The following JTB variants were observed in gnomAD, a reference collection of about 807,000 sequenced individuals.
JTB encodes the protein jumping translocation breakpoint, also known as protein JTB.
Under a neutral mutation model 22.1 loss-of-function variants are expected in JTB, and 10 were observed. The observed-to-expected ratio is 0.45, with a 90% CI of 0.28 to 0.77. The LOEUF is 0.77. Among genes scored for constraint, JTB ranks in the 30% least tolerant of loss-of-function variants. The probability of loss-of-function intolerance (pLI) is 0.13; values close to 1 mark genes in which losing one functional copy is unlikely to be tolerated. For synonymous variants in JTB, 83 were observed against 66.8 expected (o/e 1.24, Z -1.18); for missense variants, 137 against 180.3 (o/e 0.76, Z 1.38).
chr1:153,977,175 C>T lies in JTB; in HGVS notation c.78G>A (p.Lys26=), dbSNP rs1489202487. Residue 26 remains lysine, a synonymous_variant, in exon 1 of 5, where the codon AAG becomes AAA. Transcript: ENST00000271843. ...LCWLLCAFTL[K]LCQAEAPVQE... Reference sequence around the variant, plus strand: ...TCCCCTTACCTCCTCCTTACCAGAGCTTTAAGGTGAAAGCACAGAGCAACC... The same window carrying T: ...TCCCCTTACCTCCTCCTTACCAGAGTTTTAAGGTGAAAGCACAGAGCAACC... The T allele has an allele frequency of 6.2e-7, 1 of 1,614,230 alleles. No homozygotes were observed. The highest frequency in any genetic ancestry group is 8.5e-7 in the Non-Finnish European group (1 of 1,180,046).
At position 153,977,497 on chromosome 1, in the gene JTB, G is replaced by A. The variant is rs1648840279; in HGVS notation, c.-245C>T. ...GCGCCTTCTGCGGGGTCCGCAGGGCGCTGGAGGAAGGGCCGGCGGGGGCTC... is the reference window on the plus strand; with the variant it reads ...GCGCCTTCTGCGGGGTCCGCAGGGCACTGGAGGAAGGGCCGGCGGGGGCTC... On this transcript the variant is annotated 5_prime_UTR_variant, in exon 1 of 5. Transcript: ENST00000271843. 8.1e-7 allele frequency: 1 copy of A among 1,227,016 alleles called. No individual in the cohort carries two copies. Among genetic ancestry groups the A allele is most frequent in the Non-Finnish European group, 1.0e-6 (1 of 978,522 alleles). The allele number at this position is 1,227,016 out of a possible 1,614,324, so 76.0% of individuals were successfully genotyped here.
Position 153,974,456 on chromosome 1 carries a change from C to T in JTB, c.*223G>A. 2.3e-6 allele frequency: 1 copy of T among 438,212 alleles called. No individual in the cohort carries two copies. The highest frequency in any genetic ancestry group is 4.1e-6 in the Non-Finnish European group (1 of 245,936). The allele number at this position is 438,212 out of a possible 1,614,324, so 27.1% of individuals were successfully genotyped here. A position where few individuals can be genotyped will look rare whatever the true frequency, so the allele number is the denominator to read the frequency against. ...GTAGATTGGGGCCTTAAGTAACCACCTCCTTTCCCTCTCTGCCCCCATGAC... is the reference window on the plus strand; with the variant it reads ...GTAGATTGGGGCCTTAAGTAACCACTTCCTTTCCCTCTCTGCCCCCATGAC... On this transcript the variant is annotated 3_prime_UTR_variant, in exon 5 of 5. Transcript: ENST00000271843.
chr1:153,975,607 A>G (rs1002740228), intron 4 of JTB, among the ~76,000 whole-genome samples: 39 of 151,830 alleles, frequency 2.6e-4, no homozygotes, highest in African/African-American at 9.2e-4. Flanking sequence ...TTTAGTAGAG[A>G]TGGGGTTTCA....
chr1:153,976,705 A>G lies in JTB; in HGVS notation c.192T>C (p.Ser64=). The part of the protein sequence containing the change: ...FVVAEECSPC[S]NFRAKTTPEC... ...AATAGATACTCACAGCCCGGAAATT[A>G]GAGCATGGAGAGCACTCTTCTGCTA... Residue 64 remains serine (S), a synonymous_variant, in exon 3 of 5, where the codon TCT becomes TCC. Transcript: ENST00000271843. 1.2e-6 allele frequency: 2 copies of G among 1,613,790 alleles called. No homozygotes were observed. Among genetic ancestry groups the G allele is most frequent in the Non-Finnish European group, 1.7e-6 (2 of 1,179,802 alleles).
In JTB at chr1:153,974,641, A is replaced by G; in HGVS notation, c.*38T>C. ...CCATTTCACTTTCACTGTCTGAGAT[A>G]GGGTCTCTAAGACCCAGGATACAAG... is the stretch of plus-strand genomic sequence containing the variant. On this transcript the variant is annotated 3_prime_UTR_variant, in exon 5 of 5. Coordinates refer to ENST00000271843, the MANE Select transcript of JTB (RefSeq NM_006694.4). The G allele has an allele frequency of 1.3e-6, 2 of 1,562,450 alleles. No homozygotes were observed. The highest frequency in any genetic ancestry group is 1.8e-6 in the Non-Finnish European group (2 of 1,136,554).
At position 153,974,823 on chromosome 1, in the gene JTB, A is replaced by C. The variant is rs75680046; in HGVS notation, c.297T>G (p.Ala99=). 6.5e-4 allele frequency: 1,052 copies of C among 1,606,622 alleles called. 15 individuals are homozygous for C. The African/African-American group carries it at 0.012, about 19-fold the overall frequency. Residue 99 remains alanine (A), a synonymous_variant, in exon 5 of 5, where the codon GCT becomes GCG. Transcript: ENST00000271843. The part of the protein sequence containing the change: ...KRNEFKSCRS[A]LMEQRLFWKF... ...TCCAAAATAAGCGTTGTTCCATCAA[A>C]GCTGAGCGGCAGCTGAGGGCAGGAA...
At chr1:153,976,182 G>A (rs1430199203) in intron 3 of JTB, among the ~76,000 whole-genome samples, 2 of 152,232 alleles carry the variant, frequency 1.3e-5, no homozygotes, top group African/African-American at 4.8e-5. Flanking sequence ...AGTTATTTGA[G>A]GCCGGGTGTG....
At chr1:153,975,988 G>A in intron 3 of JTB, 83 bp from the exon 4 acceptor site, 1 of 921,340 alleles carries the variant, frequency 1.1e-6, no homozygotes, top group Non-Finnish European at 1.8e-6. Context: ...AGGTGCAGGT[G>A]CCCAACTGCT....
chr1:153,975,713 C>G (rs561895619), intron 4 of JTB, 113 bp downstream of exon 4: 129 of 832,140 alleles, frequency 1.6e-4, no homozygotes, highest in Non-Finnish European at 2.2e-4. Context: ...AGCCCGGCCC[C>G]CTCTTCTTTC....
In JTB at chr1:153,977,193, G is replaced by C. The variant is rs139832726; in HGVS notation, c.60C>G (p.Leu20=). 1.2e-6 allele frequency: 2 copies of C among 1,614,066 alleles called. No homozygotes were observed. Among genetic ancestry groups the C allele is most frequent in the African/African-American group, 1.3e-5 (1 of 74,944 alleles). ...ACCAGAGCTTTAAGGTGAAAGCACA[G>C]AGCAACCAGCAGAGGTGGCGGCCCT... ...LPQGRHLCWL[L]CAFTLKLCQA... Residue 20 remains leucine (L), a synonymous_variant, in exon 1 of 5, where the codon CTC becomes CTG. Transcript: ENST00000271843.
intron 3 of JTB, 68 bp downstream of exon 3, chr1:153,976,625 G>A: frequency 3.1e-6 from 4 of 1,285,228 alleles, no homozygotes; most frequent in Non-Finnish European, 4.5e-6. Context: ...AGACTTGGAT[G>A]TTAAGATGTT....
intron 3 of JTB, among the ~76,000 whole-genome samples, 157 bp downstream of exon 3, chr1:153,976,536 G>A (rs1648801669): frequency 6.6e-6 from 1 of 152,054 alleles, no homozygotes; most frequent in South Asian, 2.1e-4. Flanking sequence ...CATTTTCAGG[G>A]GAAAGACAAG....
intron 1 of JTB, 29 bp downstream of exon 1, chr1:153,977,141 C>A: frequency 1.2e-6 from 2 of 1,614,028 alleles, no homozygotes; most frequent in Non-Finnish European, 1.7e-6. Context: ...CCAGTGACCT[C>A]CTTTTCCCTC....
At position 153,974,484 on chromosome 1, in the gene JTB, C is replaced by T. The variant is rs1648708681; in HGVS notation, c.*195G>A. The T allele has an allele frequency of 4.2e-6, 2 of 479,186 alleles. No homozygotes were observed. Among genetic ancestry groups the T allele is most frequent in the South Asian group, 9.0e-5 (2 of 22,284 alleles). The allele number at this position is 479,186 out of a possible 1,614,324, so 29.7% of individuals were successfully genotyped here. ...CTTTCCCTCTCTGCCCCCATGACTT[C>T]CTGCTCCAAGTTACAGAAGGGAAGG... On this transcript the variant is annotated 3_prime_UTR_variant, in exon 5 of 5. Transcript: ENST00000271843.
At chr1:153,976,589 A>G (rs1292957898) in intron 3 of JTB, 104 bp downstream of exon 3, 7 of 951,172 alleles carry the variant, frequency 7.4e-6, no homozygotes, top group Non-Finnish European at 1.2e-5. Flanking sequence ...AGAAAGAAAA[A>G]AAGATGATGC....
At chr1:153,976,907 G>C (rs1270351899) in intron 2 of JTB, 69 bp downstream of exon 2, 1 of 1,586,424 alleles carries the variant, frequency 6.3e-7, no homozygotes, top group Non-Finnish European at 8.6e-7. Context: ...TGTGCTCTTG[G>C]TATATGGGGA....
rs1648841602 is a variant in JTB, at chr1:153,977,522, C to T, written c.-270G>A. 8.6e-7 allele frequency: 1 copy of T among 1,168,844 alleles called. No homozygotes were observed. The highest frequency in any genetic ancestry group is 1.1e-6 in the Non-Finnish European group (1 of 942,306). 72.4% of individuals were successfully genotyped at this position (1,168,844 alleles called of 1,614,324 possible). A position where few individuals can be genotyped will look rare whatever the true frequency, so the allele number is the denominator to read the frequency against. On this transcript the variant is annotated 5_prime_UTR_variant, in exon 1 of 5. Transcript: ENST00000271843. The stretch of plus-strand genomic sequence containing the variant: ...GCTGGAGGAAGGGCCGGCGGGGGCT[C>T]GCGGCCCTAGCGCCCGCTCACCTCC...
rs1371401199 is a variant in JTB, at chr1:153,974,604, G to A, written c.*75C>T. ...ACCACAAGGCTCCAAAGAACCAAGA[G>A]TGCAAATCAGTCCATTTCACTTTCA... On this transcript the variant is annotated 3_prime_UTR_variant, in exon 5 of 5. Transcript: ENST00000271843. The A allele has an allele frequency of 4.5e-6, 6 of 1,319,526 alleles. No individual in the cohort carries two copies. The highest frequency in any genetic ancestry group is 2.3e-5 in the East Asian group (1 of 42,800). 81.7% of individuals were successfully genotyped at this position (1,319,526 alleles called of 1,614,324 possible). A position where few individuals can be genotyped will look rare whatever the true frequency, so the allele number is the denominator to read the frequency against.
Position 153,977,355 on chromosome 1 carries a change from A to C in JTB, c.-103T>G. On this transcript the variant is annotated 5_prime_UTR_variant, in exon 1 of 5. Transcript: ENST00000271843. ...GGCACTTACTCTGCAGCCCTCCCAG[A>C]GGTTCCAGGTCAGGGCAGGGAAGGC... The C allele has an allele frequency of 1.3e-6, 2 of 1,526,204 alleles. No individual in the cohort carries two copies. Among genetic ancestry groups the C allele is most frequent in the Non-Finnish European group, 1.8e-6 (2 of 1,141,582 alleles). 94.5% of individuals were successfully genotyped at this position (1,526,204 alleles called of 1,614,324 possible).
Sources: allele counts gnomAD v4.1 joint callset (sites outside exome capture counted in the v4.1 genomes callset), GRCh38; gene constraint gnomAD v4.1.1; transcripts MANE v1.5; gene names NCBI Gene and HGNC (gene_info 2026-07-23, HGNC 2026-07-21).